NBAS: variants seen among roughly 807,000 people sequenced by gnomAD.
The protein encoded by NBAS is NAG/BC035112 fusion.
NBAS carries 219 observed loss-of-function variants against 302.5 expected under a neutral mutation model. The observed-to-expected ratio is 0.72, with a 90% CI of 0.65 to 0.81. The LOEUF (loss-of-function observed/expected upper bound fraction) is 0.81. Among genes scored for constraint, NBAS ranks in the 30% least tolerant of loss-of-function variants. The pLI is 0.00. For synonymous variants in NBAS, 1,118 were observed against 1,021.6 expected (o/e 1.09, Z -1.80); for missense variants, 2,932 against 2,841.6 (o/e 1.03, Z -0.72).
chr2:15,194,959 A>G (rs77208143), intron 48 of NBAS, among the ~76,000 whole-genome samples: 1,643 of 152,306 alleles, frequency 0.011, 28 homozygotes, highest in African/African-American at 0.036. Context: ...ATTCAAAGAA[A>G]TCACACACAA....
At chr2:15,131,807 C>G in the NBAS span, among the ~76,000 whole-genome samples, 4 of 152,096 alleles carry the variant, frequency 2.6e-5, no homozygotes, top group Non-Finnish European at 5.9e-5. Context: ...TCTGGGAAGG[C>G]CTACAGGGAG....
chr2:15,543,817 A>G (rs372312724), intron 6 of NBAS, among the ~76,000 whole-genome samples: 3 of 152,248 alleles, frequency 2.0e-5, no homozygotes, highest in African/African-American at 7.2e-5. Flanking sequence ...GTGGGGACAC[A>G]GAGCCAAATC....
chr2:15,176,173 G>C (rs10929345), intron 51 of NBAS, among the ~76,000 whole-genome samples: 88,734 of 151,712 alleles, frequency 0.58, 28,922 homozygotes, highest in African/African-American at 0.87. Flanking sequence ...GACGTGAGTC[G>C]GGCCAAAATG....
chr2:15,362,769 C>T (rs994690566), intron 32 of NBAS, among the ~76,000 whole-genome samples: 1 of 152,112 alleles, frequency 6.6e-6, no homozygotes, highest in African/African-American at 2.4e-5. Context: ...AGCTAGGCTA[C>T]AAGCTCTAAT....
chr2:15,137,007 C>A, the NBAS span, among the ~76,000 whole-genome samples: 1 of 152,080 alleles, frequency 6.6e-6, no homozygotes, highest in South Asian at 2.1e-4. Flanking sequence ...TCAGGTAGTT[C>A]TTGATATGAG....
chr2:14,805,230 G>A, the NBAS span, among the ~76,000 whole-genome samples: 2 of 152,170 alleles, frequency 1.3e-5, no homozygotes, highest in East Asian at 3.9e-4. Flanking sequence ...CAGCTTCCCA[G>A]AGGAAAGGGT....
intron 20 of NBAS, 105 bp from the exon 21 acceptor site, chr2:15,461,442 T>C (rs1023727446): frequency 1.5e-5 from 17 of 1,152,374 alleles, no homozygotes; most frequent in Non-Finnish European, 2.1e-5. Flanking sequence ...AGCTCTGATA[T>C]GAAACACCTT....
the NBAS span, among the ~76,000 whole-genome samples, chr2:14,817,788 G>C: frequency 1.3e-5 from 2 of 151,988 alleles, no homozygotes; most frequent in African/African-American, 4.8e-5. Flanking sequence ...CTTCCTTCAG[G>C]AGAGTGTTAA....
At position 15,374,637 on chromosome 2, in the gene NBAS, T is replaced by G; in HGVS notation, c.3674A>C (p.Glu1225Ala). ...DLIQAVGCLE[E>A]FGVKILPLQV... ...CAAAGGCAGGATCTTTACCCCAAAT[T>G]CTTCAAGACATCCAACGGCTTGGAT... The change falls in exon 31 of 52, where the codon GAA (glutamate) becomes GCA (alanine). Residue 1225 changes from glutamate (E) to alanine (A), a missense_variant. Coordinates refer to ENST00000281513, the MANE Select transcript of NBAS (RefSeq NM_015909.4). 1 of 1,613,928 alleles carries G rather than the reference T, an allele frequency of 6.2e-7. No homozygotes were observed.
At chr2:14,902,271 A>G in the NBAS span, among the ~76,000 whole-genome samples, 1 of 152,214 alleles carries the variant, frequency 6.6e-6, no homozygotes, top group East Asian at 1.9e-4. Flanking sequence ...AGCTGGGATT[A>G]CAGGCATGCG....
chr2:15,362,632 T>A (rs1339121000), intron 32 of NBAS, among the ~76,000 whole-genome samples: 1 of 152,228 alleles, frequency 6.6e-6, no homozygotes, highest in East Asian at 1.9e-4. Context: ...AATGTTTCTC[T>A]ATAATAAATG....
intron 7 of NBAS, among the ~76,000 whole-genome samples, chr2:15,537,642 G>A (rs948404007): frequency 6.6e-6 from 1 of 152,002 alleles, no homozygotes; most frequent in Non-Finnish European, 1.5e-5. Context: ...AGCCAGGTGT[G>A]GCTGCACTAT....
At chr2:15,511,449 C>T (rs1662141667) in intron 9 of NBAS, 99 bp from the exon 10 acceptor site, 2 of 1,059,950 alleles carry the variant, frequency 1.9e-6, no homozygotes, top group Non-Finnish European at 2.9e-6. Flanking sequence ...GAAAATTTAC[C>T]AAGTACTATT....
intron 38 of NBAS, among the ~76,000 whole-genome samples, chr2:15,317,165 T>G (rs1014643169): frequency 6.6e-6 from 1 of 152,114 alleles, no homozygotes; most frequent in African/African-American, 2.4e-5. Context: ...ACCTGACTCT[T>G]AGAAGGAAAA....
intron 48 of NBAS, among the ~76,000 whole-genome samples, chr2:15,205,385 A>C (rs1666091453): frequency 1.3e-5 from 2 of 152,242 alleles, no homozygotes; most frequent in Middle Eastern, 3.4e-3. Context: ...ACAACAACAA[A>C]AACAGCAGGA....
rs191478572 is a variant in NBAS, at chr2:15,177,135, T to G, written c.6840+1853A>C. On this transcript the variant is annotated intron_variant, in intron 51 of 51. Coordinates refer to ENST00000281513, the MANE Select transcript of NBAS (RefSeq NM_015909.4). ...CAATTTATACCTGTGGCTTTGATTC[T>G]TGGATCTGAAGGGCACAGACGTTTC... Among the ~76,000 whole-genome samples, 161 of 152,338 alleles carry G rather than the reference T, an allele frequency of 1.1e-3. 1 individual carries two copies. Among genetic ancestry groups the G allele is most frequent in the African/African-American group, 3.6e-3 (151 of 41,582 alleles).
chr2:15,064,875 A>G, the NBAS span, among the ~76,000 whole-genome samples: 1 of 152,182 alleles, frequency 6.6e-6, no homozygotes, highest in Non-Finnish European at 1.5e-5. Flanking sequence ...TCAACAGCAC[A>G]TTAAAAGGAT....
At chr2:14,946,578 C>T in the NBAS span, among the ~76,000 whole-genome samples, 1,019 of 152,180 alleles carry the variant, frequency 6.7e-3, 12 homozygotes, top group African/African-American at 0.023. Context: ...AAGTATACTG[C>T]AAAACAGTAA....
At chr2:15,034,240 G>GA in the NBAS span, among the ~76,000 whole-genome samples, 3 of 80,572 alleles carry the variant, frequency 3.7e-5, no homozygotes, top group Non-Finnish European at 7.6e-5. Context: ...AAGAAGGAAA[G>GA]AAAGAAAGAA....
Sources: allele counts gnomAD v4.1 joint callset (sites outside exome capture counted in the v4.1 genomes callset), GRCh38; gene constraint gnomAD v4.1.1; transcripts MANE v1.5; gene names NCBI Gene and HGNC (gene_info 2026-07-23, HGNC 2026-07-21).